The following FGD6 variants were observed in gnomAD, a reference collection of about 807,000 sequenced individuals.
FGD6 encodes the protein FYVE, RhoGEF and PH domain-containing protein 6.
Under a neutral mutation model 149.4 loss-of-function variants are expected in FGD6, and 90 were observed. That is an observed-to-expected ratio of 0.60 (90% confidence interval 0.51 to 0.72). The LOEUF is 0.72. FGD6 is among the 30% of genes least tolerant of loss of function. The pLI is 0.00. For missense variants in FGD6, 1,437 were observed against 1,684.8 expected (o/e 0.85, Z 2.57); for synonymous variants, 527 against 584.0 (o/e 0.90, Z 1.41).
chr12:95,089,802 T>A, intron 17 of FGD6, 106 bp from the exon 18 acceptor site: 1 of 1,417,058 alleles, frequency 7.1e-7, no homozygotes, highest in Non-Finnish European at 9.6e-7. Flanking sequence ...GGAAGGACAC[T>A]AAGAAACAAC....
intron 14 of FGD6, chr12:95,100,384 G>C (rs1022164789): frequency 3.0e-4 from 66 of 216,410 alleles, no homozygotes; most frequent in African/African-American, 1.5e-3. Flanking sequence ...GTTTGACTCA[G>C]CAATGATTGC....
intron 5 of FGD6, among the ~76,000 whole-genome samples, chr12:95,148,553 T>C (rs1029991032): frequency 1.3e-5 from 1 of 77,978 alleles, no homozygotes; most frequent in Non-Finnish European, 2.6e-5. Context: ...TATATTATAT[T>C]ATATATTATA....
In FGD6 at chr12:95,181,304, G is replaced by C. The variant is rs548816504; in HGVS notation, c.2442-8560C>G. Among the ~76,000 whole-genome samples, 6 of 152,282 alleles carry C rather than the reference G, an allele frequency of 3.9e-5. No homozygotes were observed. In the South Asian group the frequency reaches 1.0e-3, roughly 26 times the overall value. ...CATAGTTCTCCATTTGGTTGTGGGA[G>C]AGCTTCCTGACCTGCAAGTAAAGAT... On this transcript the variant is annotated intron_variant, in intron 2 of 20. Coordinates refer to ENST00000343958, the MANE Select transcript of FGD6 (RefSeq NM_018351.4).
At chr12:95,163,619 A>G (rs1425255425) in intron 3 of FGD6, among the ~76,000 whole-genome samples, 2 of 152,206 alleles carry the variant, frequency 1.3e-5, no homozygotes, top group Non-Finnish European at 2.9e-5. Context: ...TCTGAGACAG[A>G]GCATATTGCT....
chr12:95,161,876 A>G (rs892841844), intron 3 of FGD6, among the ~76,000 whole-genome samples: 2 of 152,176 alleles, frequency 1.3e-5, no homozygotes, highest in Admixed American at 1.3e-4. Context: ...ATTAGTGATC[A>G]TTAGAATCAC....
rs980164451 is a variant in FGD6 at position 95,092,948 on chromosome 12, C to G, written c.3601-103G>C. On this transcript the variant is annotated intron_variant, in intron 15 of 20. Transcript: ENST00000343958. Reference sequence around the variant, plus strand: ...CCAAGATGGGGATGAGGGTCAGGCACAGCAGCTCACGCCTGTAATCCCAGC... The same window carrying G: ...CCAAGATGGGGATGAGGGTCAGGCAGAGCAGCTCACGCCTGTAATCCCAGC... 5 of 1,306,280 alleles carry G rather than the reference C, an allele frequency of 3.8e-6. No homozygotes were observed. The South Asian group carries it at 5.6e-5, about 15-fold the overall frequency. 80.9% of individuals were successfully genotyped at this position (1,306,280 alleles called of 1,614,324 possible).
chr12:95,164,680 C>T (rs1377305140), intron 3 of FGD6, among the ~76,000 whole-genome samples: 2 of 152,152 alleles, frequency 1.3e-5, no homozygotes, highest in Non-Finnish European at 2.9e-5. Flanking sequence ...ATCCACCCAC[C>T]TGGACCTCCC....
At chr12:95,182,243 T>C (rs1407289834) in intron 2 of FGD6, among the ~76,000 whole-genome samples, 2 of 142,880 alleles carry the variant, frequency 1.4e-5, no homozygotes, top group Non-Finnish European at 3.0e-5. Flanking sequence ...TTTTTGGAGA[T>C]GGAAGCTGGA....
chr12:95,194,489 C>T (rs544743992), intron 2 of FGD6, among the ~76,000 whole-genome samples: 2 of 152,394 alleles, frequency 1.3e-5, no homozygotes, highest in South Asian at 2.1e-4. Context: ...CCCACCTCAG[C>T]TTCCCAAAGT....
chr12:95,100,700 A>G, intron 14 of FGD6: 1 of 538,918 alleles, frequency 1.9e-6, no homozygotes, highest in African/African-American at 1.9e-5. Context: ...AGCAATGTGA[A>G]GTTGACTGCC....
intron 6 of FGD6, among the ~76,000 whole-genome samples, chr12:95,140,226 A>T (rs1879803854): frequency 1.3e-5 from 2 of 152,130 alleles, no homozygotes; most frequent in Admixed American, 1.3e-4. Context: ...ATCTTTCTAC[A>T]TTATTTCCAC....
At chr12:95,207,924 T>C (rs1345112481) in intron 2 of FGD6, among the ~76,000 whole-genome samples, 1 of 151,692 alleles carries the variant, frequency 6.6e-6, no homozygotes, top group Non-Finnish European at 1.5e-5. Flanking sequence ...AGAGATGGAG[T>C]AGGTATTCCA....
intron 2 of FGD6, among the ~76,000 whole-genome samples, chr12:95,184,581 GTTT>G (rs35725583): frequency 8.3e-5 from 11 of 132,074 alleles, no homozygotes; most frequent in South Asian, 2.5e-4. Flanking sequence ...CTTCCTGCAC[GTTT>G]TTTTTTTTTT....
chr12:95,092,108 A>T (rs1878075060), intron 16 of FGD6, among the ~76,000 whole-genome samples: 1 of 152,214 alleles, frequency 6.6e-6, no homozygotes, highest in African/African-American at 2.4e-5. Context: ...GGCATGCAAA[A>T]AGGCCTGTGA....
intron 3 of FGD6, among the ~76,000 whole-genome samples, chr12:95,167,692 A>G (rs1880862865): frequency 1.3e-5 from 2 of 150,872 alleles, no homozygotes; most frequent in Non-Finnish European, 2.9e-5. Context: ...CTCCTGCCTC[A>G]GCCTCCTGAG....
intron 2 of FGD6, among the ~76,000 whole-genome samples, chr12:95,173,198 G>C (rs1881041219): frequency 6.6e-6 from 1 of 152,180 alleles, no homozygotes; most frequent in Non-Finnish European, 1.5e-5. Flanking sequence ...TAATAATGGT[G>C]ACGACAATCA....
chr12:95,149,376 T>G (rs1196186312), intron 5 of FGD6, among the ~76,000 whole-genome samples: 1 of 118,932 alleles, frequency 8.4e-6, no homozygotes, highest in Non-Finnish European at 1.6e-5. Context: ...ATATAGCACA[T>G]ATTTTATATA....
rs535406814 is a variant in FGD6 at position 95,092,943 on chromosome 12, A to T, written c.3601-98T>A. On this transcript the variant is annotated intron_variant, in intron 15 of 20. Transcript: ENST00000343958. The stretch of plus-strand genomic sequence containing the variant: ...CACTACCAAGATGGGGATGAGGGTC[A>T]GGCACAGCAGCTCACGCCTGTAATC... 1,330 of 1,354,586 alleles carry T rather than the reference A, an allele frequency of 9.8e-4. 13 individuals are homozygous for T. In the South Asian group the frequency reaches 0.013, roughly 13 times the overall value. The allele number at this position is 1,354,586 out of a possible 1,614,324, so 83.9% of individuals were successfully genotyped here.
chr12:95,141,097 C>T (rs1024129413), intron 6 of FGD6, among the ~76,000 whole-genome samples: 1 of 152,096 alleles, frequency 6.6e-6, no homozygotes, highest in African/African-American at 2.4e-5. Flanking sequence ...GTGGCACACG[C>T]CTATAATCCC....
Sources: allele counts gnomAD v4.1 joint callset (sites outside exome capture counted in the v4.1 genomes callset), GRCh38; gene constraint gnomAD v4.1.1; transcripts MANE v1.5; gene names NCBI Gene and HGNC (gene_info 2026-07-23, HGNC 2026-07-21).